The following APTX variants were observed in gnomAD, a reference collection of about 807,000 sequenced individuals.
APTX encodes the protein forkhead-associated domain histidine triad-like protein.
Under a neutral mutation model 42.3 loss-of-function variants are expected in APTX, and 33 were observed. The observed-to-expected ratio is 0.78, with a 90% CI of 0.59 to 1.04. The LOEUF is 1.04. Ranked by LOEUF, APTX falls within the 50% of genes least tolerant of loss-of-function variation. APTX has a pLI of 0.00. For missense variants in APTX, 421 were observed against 415.1 expected, an observed-to-expected ratio of 1.01 and a Z score of -0.12; for synonymous variants, 130 against 146.7, an observed-to-expected ratio of 0.89 and a Z score of 0.82.
At chr9:32,983,768 T>C (rs926334878) in intron 6 of APTX, among the ~76,000 whole-genome samples, 1 of 152,226 alleles carries the variant, frequency 6.6e-6, no homozygotes, top group African/African-American at 2.4e-5. Context: ...AAATATGTCC[T>C]TGTATGATTC....
At chr9:33,022,356 A>G (rs1438367379) in intron 1 of APTX, among the ~76,000 whole-genome samples, 1 of 152,210 alleles carries the variant, frequency 6.6e-6, no homozygotes, top group Non-Finnish European at 1.5e-5. Flanking sequence ...AAACAATAAG[A>G]TATCACTTTT....
intron 1 of APTX, among the ~76,000 whole-genome samples, chr9:33,020,693 C>T (rs1838304448): frequency 6.6e-6 from 1 of 152,226 alleles, no homozygotes; most frequent in Non-Finnish European, 1.5e-5. Context: ...ATCACCCCAT[C>T]CCTAAAATCC....
chr9:32,991,273 C>T (rs549775738), intron 1 of APTX, among the ~76,000 whole-genome samples: 36 of 152,088 alleles, frequency 2.4e-4, no homozygotes, highest in Non-Finnish European at 4.9e-4. Context: ...TTGTGCAATA[C>T]GCAACGCGCA....
chr9:33,000,839 T>C (rs890574395), intron 1 of APTX, among the ~76,000 whole-genome samples: 3 of 129,814 alleles, frequency 2.3e-5, no homozygotes, highest in African/African-American at 8.2e-5. Flanking sequence ...GGCTTTTTTT[T>C]TTTTTCTTTT....
At chr9:33,011,650 A>T (rs932329931) in intron 1 of APTX, among the ~76,000 whole-genome samples, 2 of 152,134 alleles carry the variant, frequency 1.3e-5, no homozygotes, top group African/African-American at 4.8e-5. Flanking sequence ...AAAGAGAGGG[A>T]ATGGTTTCCA....
intron 1 of APTX, among the ~76,000 whole-genome samples, chr9:33,000,643 A>AAG (rs1836110005): frequency 6.8e-6 from 1 of 146,374 alleles, no homozygotes; most frequent in East Asian, 2.0e-4. Flanking sequence ...AAAAAAAAAA[A>AAG]AAAAGAAAAG....
At chr9:33,010,423 C>CA (rs1333149289) in intron 1 of APTX, among the ~76,000 whole-genome samples, 1 of 152,092 alleles carries the variant, frequency 6.6e-6, no homozygotes, top group African/African-American at 2.4e-5. Flanking sequence ...GTGAACAAAA[C>CA]AAAGTTCCTG....
At chr9:33,015,204 T>C (rs1296129211) in intron 1 of APTX, among the ~76,000 whole-genome samples, 1 of 152,362 alleles carries the variant, frequency 6.6e-6, no homozygotes, top group East Asian at 1.9e-4. Flanking sequence ...GATGAAAGCA[T>C]TGCCTTCAAT....
At chr9:32,980,363 T>C in intron 6 of APTX, 1 of 175,432 alleles carries the variant, frequency 5.7e-6, no homozygotes, top group Non-Finnish European at 1.3e-5. Flanking sequence ...TTCTGCACCA[T>C]CTTGTCCATC....
intron 4 of APTX, among the ~76,000 whole-genome samples, chr9:32,986,920 C>A (rs1211114197): frequency 6.6e-6 from 1 of 152,014 alleles, no homozygotes; most frequent in African/African-American, 2.4e-5. Flanking sequence ...GCAATCCTCC[C>A]GCCTCAGCCT....
At chr9:33,016,245 G>A (rs1158709666) in intron 1 of APTX, 1 of 152,204 alleles carries the variant, frequency 6.6e-6, no homozygotes, top group Non-Finnish European at 1.5e-5. Context: ...AACAGGGTGA[G>A]AGAAAGTATT....
In APTX at chr9:32,990,931, T is replaced by C. The variant is rs191392060; in HGVS notation, c.-4-1036A>G. On this transcript the variant is annotated intron_variant, in intron 1 of 7. Coordinates refer to ENST00000379817, the MANE Select transcript of APTX (RefSeq NM_001195248.2). ...TATGCAAATCTACAATTTCTTTACT[T>C]TTTTTTTTTTCTGAGACGGAGCTTC... 4.1e-3 allele frequency among the ~76,000 whole-genome samples: 624 copies of C among 150,458 alleles called. 5 individuals carry two copies. Among genetic ancestry groups the C allele is most frequent in the African/African-American group, 0.014 (596 of 41,138 alleles).
At chr9:32,991,517 C>G (rs924105707) in intron 1 of APTX, among the ~76,000 whole-genome samples, 2 of 152,142 alleles carry the variant, frequency 1.3e-5, no homozygotes, top group Non-Finnish European at 2.9e-5. Flanking sequence ...GGTGCGGTGT[C>G]TCAGGCCTGT....
intron 1 of APTX, among the ~76,000 whole-genome samples, chr9:32,996,973 C>T (rs769142433): frequency 4.6e-5 from 7 of 152,202 alleles, no homozygotes; most frequent in African/African-American, 1.7e-4. Context: ...ACACTCACAA[C>T]TCCATTCTGA....
chr9:32,989,941 C>G, intron 1 of APTX, 46 bp from the exon 2 acceptor site: 1 of 1,586,444 alleles, frequency 6.3e-7, no homozygotes, highest in Non-Finnish European at 8.6e-7. Flanking sequence ...GATCCACTAG[C>G]ACGAGTCCTC....
At chr9:32,984,910 G>T in intron 5 of APTX, 53 bp from the exon 6 acceptor site, 1 of 1,497,844 alleles carries the variant, frequency 6.7e-7, no homozygotes. Flanking sequence ...AATCTTCTGT[G>T]TGCCTGGTTG....
intron 1 of APTX, among the ~76,000 whole-genome samples, chr9:33,006,676 T>C (rs12379642): frequency 0.07 from 10,711 of 151,940 alleles, 511 homozygotes; most frequent in Non-Finnish European, 0.11. Context: ...AGAGAAACAG[T>C]AGAGAGGGAG....
At chr9:32,984,941 A>G in intron 5 of APTX, 84 bp from the exon 6 acceptor site, 1 of 1,263,346 alleles carries the variant, frequency 7.9e-7, no homozygotes, top group Non-Finnish European at 1.1e-6. Flanking sequence ...TAAGTCACTT[A>G]ATTCCCACAG....
At position 33,017,301 on chromosome 9, in the gene APTX, A is replaced by G. The variant is rs540714593; in HGVS notation, c.-5+7722T>C. Among the ~76,000 whole-genome samples the G allele has an allele frequency of 4.3e-4, 65 of 152,342 alleles. No individual in the cohort carries two copies. The South Asian group carries it at 0.013, about 30-fold the overall frequency. On this transcript the variant is annotated intron_variant, in intron 1 of 6. Transcript: ENST00000436040. Reference sequence around the variant, plus strand: ...GGTGTCTTCATCTATTTGAGCTGCTATAACATGCCATTAACTGGGTAGCTT... The same window carrying G: ...GGTGTCTTCATCTATTTGAGCTGCTGTAACATGCCATTAACTGGGTAGCTT...
Sources: gnomAD v4.1 joint callset for allele counts (sites outside exome capture counted in the v4.1 genomes callset) on GRCh38, gnomAD v4.1.1 for gene constraint, MANE v1.5 for transcripts, NCBI Gene and HGNC (gene_info 2026-07-23, HGNC 2026-07-21) for gene names.